ENTREP2: variants seen among roughly 807,000 people sequenced by gnomAD.
ENTREP2 encodes endosomal transmembrane epsin interactor 2.
chr15:29,520,958 G>A, the ENTREP2 span, among the ~76,000 whole-genome samples: 1 of 152,174 alleles, frequency 6.6e-6, no homozygotes, highest in African/African-American at 2.4e-5. Flanking sequence ...TAGGGCAGAG[G>A]ACTCAATATT....
chr15:29,138,755 C>T, the ENTREP2 span, among the ~76,000 whole-genome samples: 1 of 151,338 alleles, frequency 6.6e-6, no homozygotes, highest in Non-Finnish European at 1.5e-5. Context: ...CCAGAATCAC[C>T]CTACACAAGC....
the ENTREP2 span, among the ~76,000 whole-genome samples, chr15:29,461,182 T>C: frequency 2.6e-5 from 4 of 152,178 alleles, no homozygotes; most frequent in South Asian, 2.1e-4. Context: ...TTGTGATAAA[T>C]GTAGTGTCAC....
At chr15:29,260,123 A>C in the ENTREP2 span, among the ~76,000 whole-genome samples, 3 of 152,188 alleles carry the variant, frequency 2.0e-5, no homozygotes, top group Non-Finnish European at 4.4e-5. Flanking sequence ...GTCTGGGCCT[A>C]TTTGGGGTCT....
the ENTREP2 span, among the ~76,000 whole-genome samples, chr15:29,418,622 A>G: frequency 6.6e-6 from 1 of 152,360 alleles, no homozygotes; most frequent in Non-Finnish European, 1.5e-5. Context: ...AGTAGTTAGC[A>G]GCTCATCAGT....
the ENTREP2 span, among the ~76,000 whole-genome samples, chr15:29,309,425 G>C: frequency 1.3e-5 from 2 of 152,062 alleles, no homozygotes; most frequent in African/African-American, 4.8e-5. Context: ...CAGGTCTCCC[G>C]GGGTCCAAGT....
At chr15:29,400,603 G>A in the ENTREP2 span, among the ~76,000 whole-genome samples, 10 of 152,156 alleles carry the variant, frequency 6.6e-5, no homozygotes, top group Non-Finnish European at 1.5e-4. Context: ...AAATTCCAGA[G>A]AAATCAAAGA....
At chr15:29,593,806 A>G in the ENTREP2 span, among the ~76,000 whole-genome samples, 2 of 152,182 alleles carry the variant, frequency 1.3e-5, no homozygotes, top group African/African-American at 4.8e-5. Context: ...CTGTTATGGA[A>G]GGGTGTGGTG....
chr15:29,633,282 C>T, the ENTREP2 span, among the ~76,000 whole-genome samples: 1 of 152,150 alleles, frequency 6.6e-6, no homozygotes, highest in Non-Finnish European at 1.5e-5. Context: ...CATGTACCAG[C>T]TTTCCAAGGT....
At chr15:29,415,990 TA>T in the ENTREP2 span, among the ~76,000 whole-genome samples, 1 of 152,022 alleles carries the variant, frequency 6.6e-6, no homozygotes, top group Non-Finnish European at 1.5e-5. Flanking sequence ...CTCAATGAAA[TA>T]AAAGAGGATA....
the ENTREP2 span, among the ~76,000 whole-genome samples, chr15:29,118,648 C>G: frequency 6.6e-6 from 1 of 152,208 alleles, no homozygotes; most frequent in Admixed American, 6.5e-5. Context: ...GCCAGGGAGC[C>G]TTGGGCTTCT....
the ENTREP2 span, among the ~76,000 whole-genome samples, chr15:29,528,359 A>G: frequency 6.6e-6 from 1 of 151,234 alleles, no homozygotes; most frequent in African/African-American, 2.4e-5. Flanking sequence ...AAAAAATAGG[A>G]TGAGTTGGAA....
the ENTREP2 span, among the ~76,000 whole-genome samples, chr15:29,353,865 T>C: frequency 0.019 from 2,885 of 152,256 alleles, 100 homozygotes; most frequent in African/African-American, 0.066. Context: ...CTTGAGGCCA[T>C]ACAGTAAGAA....
chr15:29,262,358 G>A, the ENTREP2 span, among the ~76,000 whole-genome samples: 1 of 152,188 alleles, frequency 6.6e-6, no homozygotes, highest in African/African-American at 2.4e-5. Flanking sequence ...AAAGAGTCCT[G>A]CCCCAAACCC....
At chr15:29,593,676 T>C in the ENTREP2 span, among the ~76,000 whole-genome samples, 1 of 152,216 alleles carries the variant, frequency 6.6e-6, no homozygotes, top group Non-Finnish European at 1.5e-5. Flanking sequence ...ATCTACTTTA[T>C]GCATCAAAAA....
At chr15:29,655,726 A>C in the ENTREP2 span, among the ~76,000 whole-genome samples, 2 of 151,936 alleles carry the variant, frequency 1.3e-5, no homozygotes, top group African/African-American at 2.4e-5. Context: ...GAATTAAAAA[A>C]CAAAAAAACA....
chr15:29,167,389 A>G, the ENTREP2 span, among the ~76,000 whole-genome samples: 1 of 152,226 alleles, frequency 6.6e-6, no homozygotes, highest in African/African-American at 2.4e-5. Flanking sequence ...GACAATCCAC[A>G]GAGTGGGAGA....
chr15:29,420,527 T>A, the ENTREP2 span, among the ~76,000 whole-genome samples: 1 of 152,148 alleles, frequency 6.6e-6, no homozygotes, highest in Non-Finnish European at 1.5e-5. Flanking sequence ...TGCAAAGCAG[T>A]CAGGCTCTTA....
the ENTREP2 span, among the ~76,000 whole-genome samples, chr15:29,140,640 C>T: frequency 2.0e-5 from 3 of 152,140 alleles, no homozygotes; most frequent in Non-Finnish European, 2.9e-5. Flanking sequence ...TTTCACCTGG[C>T]GCCTCCCAGT....
At chr15:29,471,745 A>G in the ENTREP2 span, among the ~76,000 whole-genome samples, 3 of 152,180 alleles carry the variant, frequency 2.0e-5, no homozygotes, top group Non-Finnish European at 2.9e-5. Context: ...GTTTCTTTGA[A>G]AACAATTAGT....
Sources: gnomAD v4.1 joint callset for allele counts (sites outside exome capture counted in the v4.1 genomes callset) on GRCh38, gnomAD v4.1.1 for gene constraint, MANE v1.5 for transcripts, NCBI Gene and HGNC (gene_info 2026-07-23, HGNC 2026-07-21) for gene names.